Variants in PPARGC1A observed in about 807,000 individuals in gnomAD.
PPARGC1A encodes the protein peroxisome proliferator-activated receptor gamma coactivator 1-alpha.
Under a neutral mutation model 88.7 loss-of-function variants are expected in PPARGC1A, and 25 were observed. The ratio of observed to expected loss-of-function variants is 0.28; its 90% confidence interval spans 0.21 to 0.39. PPARGC1A has a LOEUF of 0.39. Ranked by LOEUF, PPARGC1A falls within the 10% of genes least tolerant of loss-of-function variation. The pLI, the probability that PPARGC1A is intolerant of heterozygous loss-of-function variation, is 1.00. For synonymous variants in PPARGC1A, 363 were observed against 355.6 expected (o/e 1.02, Z -0.24); for missense variants, 880 against 968.7 (o/e 0.91, Z 1.22).
At chr4:23,955,207 A>G in the PPARGC1A span, among the ~76,000 whole-genome samples, 6 of 152,172 alleles carry the variant, frequency 3.9e-5, no homozygotes, top group African/African-American at 1.4e-4. Flanking sequence ...TGATTTCTTT[A>G]TTGCTGCTTT....
At chr4:24,436,902 G>A in the PPARGC1A span, among the ~76,000 whole-genome samples, 32,190 of 135,092 alleles carry the variant, frequency 0.24, 4,530 homozygotes, top group South Asian at 0.5. Context: ...AGCCCAGGTC[G>A]TAGAGCTGAC....
chr4:24,378,893 T>C, the PPARGC1A span, among the ~76,000 whole-genome samples: 1 of 152,192 alleles, frequency 6.6e-6, no homozygotes, highest in Non-Finnish European at 1.5e-5. Context: ...ACATGTTTAA[T>C]TATCAATACT....
chr4:24,282,766 A>G, the PPARGC1A span, among the ~76,000 whole-genome samples: 39 of 152,334 alleles, frequency 2.6e-4, no homozygotes, highest in African/African-American at 9.1e-4. Flanking sequence ...CTTTTTTTCC[A>G]GCACTTGCTC....
chr4:23,976,311 A>G, the PPARGC1A span, among the ~76,000 whole-genome samples: 2 of 152,210 alleles, frequency 1.3e-5, no homozygotes, highest in Non-Finnish European at 2.9e-5. Context: ...AGTAGAGCTG[A>G]TCTCTGGGGA....
the PPARGC1A span, among the ~76,000 whole-genome samples, chr4:24,073,704 G>A: frequency 6.6e-6 from 1 of 152,036 alleles, no homozygotes; most frequent in African/African-American, 2.4e-5. Flanking sequence ...TTACAGATGG[G>A]GAAAACATGG....
At chr4:23,863,633 A>G (rs1177177170) in intron 2 of PPARGC1A, among the ~76,000 whole-genome samples, 1 of 152,154 alleles carries the variant, frequency 6.6e-6, no homozygotes, top group Non-Finnish European at 1.5e-5. Context: ...ATCCGTGCAC[A>G]TAGTAGGTGA....
chr4:24,133,571 T>A, the PPARGC1A span, among the ~76,000 whole-genome samples: 2 of 152,196 alleles, frequency 1.3e-5, no homozygotes, highest in Admixed American at 6.5e-5. Flanking sequence ...TTGGCATAAT[T>A]CGGGGCCCAG....
At chr4:24,204,661 T>A in the PPARGC1A span, among the ~76,000 whole-genome samples, 4 of 152,050 alleles carry the variant, frequency 2.6e-5, no homozygotes, top group Non-Finnish European at 5.9e-5. Context: ...GCCAAAGGCA[T>A]CACCCTTCCT....
At chr4:24,080,975 G>A in the PPARGC1A span, among the ~76,000 whole-genome samples, 9 of 152,062 alleles carry the variant, frequency 5.9e-5, no homozygotes, top group African/African-American at 2.2e-4. Flanking sequence ...GCGCTGAGAA[G>A]ATGGGAGAGA....
the PPARGC1A span, among the ~76,000 whole-genome samples, chr4:24,153,864 C>T: frequency 1.1e-4 from 16 of 151,952 alleles, no homozygotes; most frequent in East Asian, 1.9e-4. Context: ...GAAAGGAATA[C>T]TCGACTTGCC....
At chr4:24,112,804 T>C in the PPARGC1A span, among the ~76,000 whole-genome samples, 4 of 152,154 alleles carry the variant, frequency 2.6e-5, no homozygotes, top group Non-Finnish European at 5.9e-5. Context: ...CATTATCAAG[T>C]GTGGCAAAAG....
the PPARGC1A span, among the ~76,000 whole-genome samples, chr4:24,229,198 G>A: frequency 2.6e-5 from 3 of 114,066 alleles, no homozygotes; most frequent in Admixed American, 1.0e-4. Context: ...CTGTCACCCA[G>A]GCTGGAGTAC....
chr4:23,890,720 C>T (rs1367206340), upstream of PPARGC1A, among the ~76,000 whole-genome samples: 1 of 149,850 alleles, frequency 6.7e-6, no homozygotes, highest in Non-Finnish European at 1.5e-5. Flanking sequence ...GTAGGGAATA[C>T]CAGCTCCCGA....
rs143948207 is a variant in PPARGC1A, at chr4:23,879,482, C to A, written c.234+5270G>T. On this transcript the variant is annotated intron_variant, in intron 2 of 12. Coordinates refer to ENST00000264867, the MANE Select transcript of PPARGC1A (RefSeq NM_013261.5). ...AGGTGAGCAGAAACTTAACCAGGAA[C>A]GATATCCACGAGGTTCTGCTTCTCT... Among the ~76,000 whole-genome samples the A allele has an allele frequency of 3.5e-4, 53 of 152,294 alleles. 1 individual carries two copies. The East Asian group carries it at 0.01, about 29-fold the overall frequency.
chr4:24,212,085 G>A, the PPARGC1A span, among the ~76,000 whole-genome samples: 5 of 152,130 alleles, frequency 3.3e-5, no homozygotes, highest in African/African-American at 1.2e-4. Flanking sequence ...CCACATCCTG[G>A]AGGATGCCGT....
At chr4:23,901,214 T>TA (rs1417848083), upstream of PPARGC1A, among the ~76,000 whole-genome samples, 1 of 151,488 alleles carries the variant, frequency 6.6e-6, no homozygotes, top group Non-Finnish European at 1.5e-5. Flanking sequence ...AAAAGAAATA[T>TA]AAAAAATTAG....
chr4:24,397,183 G>A, the PPARGC1A span, among the ~76,000 whole-genome samples: 5 of 152,122 alleles, frequency 3.3e-5, no homozygotes, highest in South Asian at 2.1e-4. Flanking sequence ...AAAATATGAC[G>A]CAATCTTAAA....
intron 2 of PPARGC1A, among the ~76,000 whole-genome samples, chr4:23,857,370 TGTGA>T (rs1730367917): frequency 1.8e-5 from 2 of 114,102 alleles, no homozygotes; most frequent in Non-Finnish European, 1.9e-5. Flanking sequence ...CGTGTGTGTG[TGTGA>T]CACACACACA....
At chr4:24,036,029 T>C in the PPARGC1A span, among the ~76,000 whole-genome samples, 55 of 152,314 alleles carry the variant, frequency 3.6e-4, no homozygotes, top group Admixed American at 1.0e-3. Flanking sequence ...CCAGACTACC[T>C]AGGTTCCAAT....
Sources: allele counts gnomAD v4.1 joint callset (sites outside exome capture counted in the v4.1 genomes callset), GRCh38; gene constraint gnomAD v4.1.1; transcripts MANE v1.5; gene names NCBI Gene and HGNC (gene_info 2026-07-23, HGNC 2026-07-21).